The following CPA5 variants were observed in gnomAD, a reference collection of about 807,000 sequenced individuals.
CPA5 encodes carboxypeptidase A5.
Under a neutral mutation model 52.2 loss-of-function variants are expected in CPA5, and 38 were observed. That is an observed-to-expected ratio of 0.73 (90% CI 0.56 to 0.95). CPA5 has a LOEUF of 0.95. Among genes scored for constraint, CPA5 ranks in the 40% least tolerant of loss-of-function variants. The probability of loss-of-function intolerance (pLI) is 0.00; values close to 1 mark genes in which losing one functional copy is unlikely to be tolerated. For missense variants in CPA5, 519 were observed against 566.7 expected, an observed-to-expected ratio of 0.92 and a Z score of 0.86; for synonymous variants, 198 against 213.7, an observed-to-expected ratio of 0.93 and a Z score of 0.64.
chr7:130,363,360 G>A (rs1795898664), intron 9 of CPA5, 59 bp from the exon 10 acceptor site: 1 of 1,419,476 alleles, frequency 7.0e-7, no homozygotes, highest in Admixed American at 2.0e-5. Context: ...GGATATCAGA[G>A]GCTCCCATCC....
At chr7:130,362,657 C>G in intron 8 of CPA5, 118 bp downstream of exon 8, 1 of 746,348 alleles carries the variant, frequency 1.3e-6, no homozygotes, top group Non-Finnish European at 2.2e-6. Context: ...TGTCTCCATC[C>G]CGCCCTTTGG....
At chr7:130,357,168 C>T (rs1795521538) in intron 5 of CPA5, among the ~76,000 whole-genome samples, 1 of 152,090 alleles carries the variant, frequency 6.6e-6, no homozygotes, top group Admixed American at 6.5e-5. Flanking sequence ...TAAAGTGAGC[C>T]CCAAACATCA....
At chr7:130,366,285 A>G (rs1554408340) in intron 10 of CPA5, among the ~76,000 whole-genome samples, 1 of 152,184 alleles carries the variant, frequency 6.6e-6, no homozygotes, top group Non-Finnish European at 1.5e-5. Context: ...AGGAGACTTC[A>G]GAAGTTGAGG....
chr7:130,372,990 C>T (rs1045426936), downstream of CPA5, among the ~76,000 whole-genome samples: 3 of 152,148 alleles, frequency 2.0e-5, no homozygotes, highest in South Asian at 4.1e-4. Flanking sequence ...CGAGGCCCCA[C>T]GTGAATTTAA....
At chr7:130,370,254 A>T (rs1374899007), downstream of CPA5, among the ~76,000 whole-genome samples, 1 of 152,228 alleles carries the variant, frequency 6.6e-6, no homozygotes, top group East Asian at 1.9e-4. Context: ...CCCCTGAACA[A>T]CCCAGATCAT....
rs1554407436 is a variant in CPA5, at chr7:130,363,514, G to A, written c.838+5G>A. The A allele has an allele frequency of 6.3e-7, 1 of 1,577,286 alleles. No individual in the cohort carries two copies. The highest frequency in any genetic ancestry group is 1.9e-5 in the Admixed American group (1 of 53,612). On this transcript the variant is annotated splice_donor_5th_base_variant and intron_variant, in intron 10 of 12. Transcript: ENST00000474905. ...ACTGGAAGTCGGGTTTTGGAGGTAT[G>A]GCAACCTGCTGTCCTGGGGCAGGGT...
intron 5 of CPA5, 22 bp downstream of exon 5, chr7:130,350,131 G>A: frequency 6.2e-7 from 1 of 1,600,772 alleles, no homozygotes; most frequent in East Asian, 2.3e-5. Flanking sequence ...CCCCAGCTGG[G>A]ACCCTGCCTT....
the CPA5 span, among the ~76,000 whole-genome samples, chr7:130,373,991 C>T: frequency 2.8e-5 from 4 of 140,992 alleles, no homozygotes. Context: ...GACGCCGCCC[C>T]CACCCCGCCG....
intron 11 of CPA5, 24 bp from the exon 12 acceptor site, chr7:130,367,881 TC>T (rs1796186819): frequency 1.2e-6 from 2 of 1,608,540 alleles, no homozygotes; most frequent in Admixed American, 3.3e-5. Flanking sequence ...CCCCTGCCTT[TC>T]ACCCCGCCAA....
At chr7:130,373,393 G>A (rs1554410130), downstream of CPA5, among the ~76,000 whole-genome samples, 1 of 151,826 alleles carries the variant, frequency 6.6e-6, no homozygotes, top group Non-Finnish European at 1.5e-5. Flanking sequence ...AAAAAGCATT[G>A]GAAAAACTGA....
intron 5 of CPA5, 101 bp from the exon 6 acceptor site, chr7:130,359,488 T>C (rs1485255557): frequency 3.9e-6 from 3 of 768,936 alleles, no homozygotes. Flanking sequence ...TCTCCTGTGT[T>C]GCTGCTGTCT....
chr7:130,367,119 A>G (rs2117463462), intron 10 of CPA5, among the ~76,000 whole-genome samples: 1 of 152,082 alleles, frequency 6.6e-6, no homozygotes, highest in South Asian at 2.1e-4. Flanking sequence ...GTTTCTATCT[A>G]GAATTTTTTT....
intron 1 of CPA5, chr7:130,345,604 CTTCA>C (rs1425987029): frequency 6.6e-6 from 1 of 152,188 alleles, no homozygotes; most frequent in Non-Finnish European, 1.5e-5. Flanking sequence ...CTGCGGTGAC[CTTCA>C]TGTCTAGCAG....
At chr7:130,373,797 G>T in the CPA5 span, among the ~76,000 whole-genome samples, 58,427 of 152,180 alleles carry the variant, frequency 0.38, 11,625 homozygotes, top group Admixed American at 0.47. Context: ...AGACGTGGTG[G>T]GAACCACACC....
At chr7:130,364,254 G>A (rs1229942229) in intron 10 of CPA5, among the ~76,000 whole-genome samples, 10 of 152,110 alleles carry the variant, frequency 6.6e-5, no homozygotes, top group African/African-American at 1.9e-4. Flanking sequence ...GTGCAGTGGC[G>A]TGATCTTGGC....
rs781944248 is a variant in CPA5 at position 130,346,459 on chromosome 7, C to T, written c.-27C>T. On this transcript the variant is annotated 5_prime_UTR_variant, in exon 3 of 13. Transcript: ENST00000474905. ...CTGGGCCATGGTGCCCAAGGAAAGC[C>T]CCTGAAGCTCACCAGGAGGAAGAAG... 39 of 1,558,746 alleles carry T rather than the reference C, an allele frequency of 2.5e-5. No homozygotes were observed. The highest frequency in any genetic ancestry group is 3.3e-5 in the Non-Finnish European group (37 of 1,133,490).
intron 5 of CPA5, among the ~76,000 whole-genome samples, chr7:130,358,192 C>T (rs1414387437): frequency 6.6e-6 from 1 of 152,008 alleles, no homozygotes; most frequent in Non-Finnish European, 1.5e-5. Flanking sequence ...AGAGATGGGG[C>T]CTTGCTTTGT....
intron 5 of CPA5, among the ~76,000 whole-genome samples, chr7:130,352,668 A>G (rs11760909): frequency 0.5 from 75,921 of 151,876 alleles, 19,275 homozygotes; most frequent in Admixed American, 0.57. Flanking sequence ...TTTGCATTTC[A>G]GAAACACCAC....
chr7:130,354,519 G>A (rs576540275), intron 5 of CPA5, among the ~76,000 whole-genome samples: 15 of 151,756 alleles, frequency 9.9e-5, no homozygotes, highest in East Asian at 1.9e-4. Flanking sequence ...TCAGCCTCCC[G>A]AGTAGCTTGG....
Sources: gnomAD v4.1 joint callset for allele counts (sites outside exome capture counted in the v4.1 genomes callset) on GRCh38, gnomAD v4.1.1 for gene constraint, MANE v1.5 for transcripts, NCBI Gene and HGNC (gene_info 2026-07-23, HGNC 2026-07-21) for gene names.